Variants in RNF213 observed in about 807,000 individuals in gnomAD.
RNF213 encodes the protein ring finger protein 213, also known as E3 ubiquitin-protein ligase RNF213.
Under a neutral mutation model 514.4 loss-of-function variants are expected in RNF213, and 341 were observed. That is an observed-to-expected ratio of 0.66 (90% confidence interval 0.61 to 0.73). RNF213 has a LOEUF of 0.73. RNF213 is among the 30% of genes least tolerant of loss of function. The probability of loss-of-function intolerance (pLI) is 0.00; values close to 1 mark genes in which losing one functional copy is unlikely to be tolerated. For missense variants in RNF213, 5,767 were observed against 6,615.6 expected (o/e 0.87, Z 4.45); for synonymous variants, 2,655 against 2,658.2 (o/e 1.00, Z 0.04).
intron 16 of RNF213, among the ~76,000 whole-genome samples, chr17:80,318,731 G>A (rs1377011908): frequency 5.3e-5 from 8 of 152,048 alleles, no homozygotes; most frequent in South Asian, 2.1e-4. Flanking sequence ...CCGCCACCGC[G>A]CCCAGCTATA....
chr17:80,306,986 T>G (rs2045384992), intron 12 of RNF213, 142 bp from the exon 13 acceptor site: 1 of 802,316 alleles, frequency 1.2e-6, no homozygotes, highest in African/African-American at 1.7e-5. Flanking sequence ...AAGATTAGTA[T>G]GTGAGCACCT....
chr17:80,292,896 T>C (rs569502688), intron 8 of RNF213, among the ~76,000 whole-genome samples: 1 of 152,064 alleles, frequency 6.6e-6, no homozygotes, highest in African/African-American at 2.4e-5. Flanking sequence ...CCCCCTGGTG[T>C]CCGGTGTCTT....
chr17:80,373,255 C>A (rs1211916546), intron 49 of RNF213, 90 bp downstream of exon 49: 13 of 68,608 alleles, frequency 1.9e-4, no homozygotes, highest in Non-Finnish European at 3.4e-4. Context: ...TCACACCCTA[C>A]CCCCCCCACA....
chr17:80,374,974 G>C, intron 50 of RNF213: 1 of 264,498 alleles, frequency 3.8e-6, no homozygotes, highest in Admixed American at 4.7e-5. Flanking sequence ...ATTCAGATAT[G>C]CATGTGTGTT....
chr17:80,381,587 A>C lies in RNF213; in HGVS notation c.13838A>C (p.Lys4613Thr), dbSNP rs1320003126. The change falls in exon 57 of 68, where the codon AAA becomes ACA. Residue 4613 changes from lysine (K) to threonine (T), a missense_variant. Lys to Thr is a moderately conservative substitution (Grantham distance 78). This residue lies in a region of RNF213 where 1,245 missense variants were observed against 1,339.0 expected (regional missense o/e 0.93). Coordinates refer to ENST00000582970, the MANE Select transcript of RNF213 (RefSeq NM_001256071.3). The part of the protein sequence containing the change: ...NIIKPPVRDP[K>T]GFLQQHILKD... ...ATTAAGCCTCCAGTGAGGGATCCAA[A>C]AGGCTTTCTGCAGCAGCACATCCTG... The C allele has an allele frequency of 2.5e-6, 4 of 1,614,224 alleles. No homozygotes were observed. In the Admixed American group the frequency reaches 5.0e-5, roughly 20 times the overall value.
At chr17:80,313,667 G>A (rs2045666145) in intron 15 of RNF213, among the ~76,000 whole-genome samples, 1 of 150,726 alleles carries the variant, frequency 6.6e-6, no homozygotes, top group Admixed American at 6.6e-5. Context: ...AGGTGATGGT[G>A]GAGGTAATGG....
intron 2 of RNF213, among the ~76,000 whole-genome samples, chr17:80,272,747 G>C (rs1227469622): frequency 1.3e-5 from 2 of 151,574 alleles, no homozygotes; most frequent in Non-Finnish European, 3.0e-5. Context: ...CTGCATGGCA[G>C]CTCTGCATGG....
At chr17:80,392,837 G>C (rs1463517821) in intron 67 of RNF213, among the ~76,000 whole-genome samples, 1 of 152,042 alleles carries the variant, frequency 6.6e-6, no homozygotes, top group African/African-American at 2.4e-5. Context: ...TGATCCACCT[G>C]CCTCAGCCTC....
intron 59 of RNF213, among the ~76,000 whole-genome samples, chr17:80,384,195 G>A (rs1164585002): frequency 6.6e-6 from 1 of 152,172 alleles, no homozygotes; most frequent in Non-Finnish European, 1.5e-5. Flanking sequence ...GCCAGGAGAG[G>A]ACCTCCCCTC....
Position 80,347,738 on chromosome 17 carries a change from A to C in RNF213, c.9403A>C (p.Thr3135Pro), listed in dbSNP as rs2078361099. Residue 3135 changes from threonine to proline, a missense_variant, in exon 29 of 68, where the codon ACC becomes CCC. Thr to Pro is a conservative substitution (Grantham distance 38). This residue lies in a region of RNF213 where 919 missense variants were observed against 1,121.0 expected (regional missense o/e 0.82). Transcript: ENST00000582970. The surrounding 1 kb of genome is among the most constrained non-coding windows in gnomAD (Gnocchi z 7.2). ...GQKYVDLGLG[T>P]HRVKCRVHPN... ...GAAGTACGTGGACCTCGGTCTGGGG[A>C]CCCACCGCGTCAAATGTCGGGTTCA... is the stretch of plus-strand genomic sequence containing the variant. 1 of 1,613,968 alleles carries C rather than the reference A, an allele frequency of 6.2e-7. No homozygotes were observed.
intron 55 of RNF213, among the ~76,000 whole-genome samples, chr17:80,380,038 G>A (rs1405540725): frequency 6.6e-6 from 1 of 152,174 alleles, no homozygotes; most frequent in East Asian, 1.9e-4. Flanking sequence ...TAATTCACGA[G>A]GACATCTATG....
At chr17:80,325,928 G>T (rs2046268368) in intron 18 of RNF213, among the ~76,000 whole-genome samples, 1 of 143,798 alleles carries the variant, frequency 7.0e-6, no homozygotes, top group African/African-American at 2.6e-5. Flanking sequence ...GATCATTTTT[G>T]TGTTATTTGT....
Position 80,369,483 on chromosome 17 carries a change from C to T in RNF213, c.12156-19C>T. ...TTGGGAAACACCATCCACCTGTCTT[C>T]TGTTTCTCGTGTTCTAAGGGAAGCC... is the stretch of plus-strand genomic sequence containing the variant. On this transcript the variant is annotated intron_variant, in intron 44 of 67. Coordinates refer to ENST00000582970, the MANE Select transcript of RNF213 (RefSeq NM_001256071.3). 6.2e-7 allele frequency: 1 copy of T among 1,610,896 alleles called. No individual in the cohort carries two copies. Among genetic ancestry groups the T allele is most frequent in the Non-Finnish European group, 8.5e-7 (1 of 1,178,510 alleles).
Position 80,383,679 on chromosome 17 carries a change from T to A in RNF213, c.14073T>A (p.His4691Gln). The part of the protein sequence containing the change: ...IAAVISPELE[H>Q]LDKTLPTMNN... ...TTTTTTTCATTTTCTCCATCCAGCATCTAGATAAAACCCTTCCCACCATGA... is the reference window on the plus strand; with the variant it reads ...TTTTTTTCATTTTCTCCATCCAGCAACTAGATAAAACCCTTCCCACCATGA... Residue 4691 changes from histidine to glutamine, a missense_variant and splice_region_variant, in exon 59 of 68, where the codon CAT becomes CAA. Physicochemically the swap from His to Gln is conservative, Grantham distance 24 (BLOSUM62 0). This residue lies in a region of RNF213 where 1,245 missense variants were observed against 1,339.0 expected (regional missense o/e 0.93). Transcript: ENST00000582970. The A allele has an allele frequency of 6.2e-7, 1 of 1,613,906 alleles. No individual in the cohort carries two copies. The highest frequency in any genetic ancestry group is 8.5e-7 in the Non-Finnish European group (1 of 1,179,958).
intron 31 of RNF213, among the ~76,000 whole-genome samples, chr17:80,350,966 C>CT (rs2078487503): frequency 6.6e-6 from 1 of 152,160 alleles, no homozygotes; most frequent in African/African-American, 2.4e-5. Context: ...TAGGTAAATG[C>CT]TTTTTTTCCT....
chr17:80,312,355 CTCTGG>C (rs1483909900), intron 14 of RNF213, among the ~76,000 whole-genome samples: 1 of 151,832 alleles, frequency 6.6e-6, no homozygotes, highest in African/African-American at 2.4e-5. Flanking sequence ...GGGGTTTTCC[CTCTGG>C]TCTGGTGGGT....
At position 80,346,484 on chromosome 17, in the gene RNF213, G is replaced by A. The variant is rs201535150; in HGVS notation, c.8149G>A (p.Asp2717Asn). The A allele has an allele frequency of 4.8e-5, 77 of 1,613,712 alleles. No homozygotes were observed. The Middle Eastern group carries it at 8.2e-4, about 17-fold the overall frequency. Residue 2717 changes from aspartate to asparagine, a missense_variant, in exon 29 of 68, where the codon GAC (aspartate) becomes AAC (asparagine). Asp to Asn is a conservative substitution (Grantham distance 23, BLOSUM62 1). Around this residue, in one of 13 missense-constraint regions of RNF213, gnomAD observed 1,377 missense variants for 1,635.2 expected, o/e 0.84. Transcript: ENST00000582970. The surrounding 1 kb of genome is among the most constrained non-coding windows in gnomAD (Gnocchi z 8.1). ...CAGGTTCTTTCCGAAACCGTATGAC[G>A]ACAGCAGGCTGCTTCTGGATGAAAT... The part of the protein sequence containing the change: ...IARFFPKPYD[D>N]SRLLLDEITR...
intron 10 of RNF213, among the ~76,000 whole-genome samples, chr17:80,296,032 TC>T (rs1025250638): frequency 1.3e-5 from 2 of 151,994 alleles, no homozygotes; most frequent in African/African-American, 4.8e-5. Flanking sequence ...CCTTTTGTTT[TC>T]CCCCCAGACG....
At chr17:80,349,944 C>A (rs1346215144) in intron 30 of RNF213, 38 bp downstream of exon 30, 3 of 1,611,928 alleles carry the variant, frequency 1.9e-6, no homozygotes, top group Non-Finnish European at 2.5e-6. Context: ...CTCTCCCTCC[C>A]CAGCCGCAGC....
Sources: allele counts gnomAD v4.1 joint callset (sites outside exome capture counted in the v4.1 genomes callset), GRCh38; gene constraint gnomAD v4.1.1; regional missense constraint gnomAD v4.1.1; non-coding constraint Gnocchi (gnomAD v3.1); transcripts MANE v1.5; gene names NCBI Gene and HGNC (gene_info 2026-07-23, HGNC 2026-07-21).